CASQ1: variants seen among roughly 807,000 people sequenced by gnomAD.
The protein encoded by CASQ1 is calsequestrin-1.
In CASQ1, 40 loss-of-function variants were observed where a neutral mutation model predicts 49.5. That is an observed-to-expected ratio of 0.81 (90% CI 0.63 to 1.05). CASQ1 has a LOEUF of 1.05. Ranked by LOEUF, CASQ1 falls within the 50% of genes least tolerant of loss-of-function variation. The pLI, the probability that CASQ1 is intolerant of heterozygous loss-of-function variation, is 0.00. For missense variants in CASQ1, 469 were observed against 486.9 expected (o/e 0.96, Z 0.35); for synonymous variants, 174 against 187.2 (o/e 0.93, Z 0.58).
chr1:160,193,759 T>A lies in CASQ1; in HGVS notation c.377T>A (p.Val126Glu). The A allele has an allele frequency of 6.2e-7, 1 of 1,606,366 alleles. No homozygotes were observed. The highest frequency in any genetic ancestry group is 1.1e-5 in the South Asian group (1 of 90,700). ...GCTCACTCCCTAGGCCTAACTGAAGTGGACAGCATGTATGTATTCAAGGGA... is the reference window on the plus strand; with the variant it reads ...GCTCACTCCCTAGGCCTAACTGAAGAGGACAGCATGTATGTATTCAAGGGA... ...AVAKKLGLTE[V>E]DSMYVFKGDE... Residue 126 changes from valine (V) to glutamate (E), a missense_variant, in exon 3 of 11, where the codon GTG (valine) becomes GAG (glutamate). Physicochemically the swap from Val to Glu is moderately radical, Grantham distance 121 (BLOSUM62 -2). Coordinates refer to ENST00000368078, the MANE Select transcript of CASQ1 (RefSeq NM_001231.5).
At chr1:160,192,992 C>A in intron 2 of CASQ1, 106 bp downstream of exon 2, 1 of 861,518 alleles carries the variant, frequency 1.2e-6, no homozygotes, top group Non-Finnish European at 1.9e-6. Context: ...GCTTGGGAAT[C>A]TCTCAGATTT....
chr1:160,190,701 C>A lies in CASQ1; in HGVS notation c.-51C>A. 2.5e-6 allele frequency: 4 copies of A among 1,575,750 alleles called. No homozygotes were observed. The highest frequency in any genetic ancestry group is 1.2e-5 in the South Asian group (1 of 85,532). Reference sequence around the variant, plus strand: ...TGGGACCCAGGGGCCCCTCCCTACCCCAGCTAACCTCTTCTGGACCAGGAG... The same window carrying A: ...TGGGACCCAGGGGCCCCTCCCTACCACAGCTAACCTCTTCTGGACCAGGAG... On this transcript the variant is annotated 5_prime_UTR_variant, in exon 1 of 11. Transcript: ENST00000368078.
intron 7 of CASQ1, 138 bp downstream of exon 7, chr1:160,197,752 C>T (rs1654276899): frequency 3.0e-6 from 2 of 668,686 alleles, no homozygotes; most frequent in South Asian, 1.6e-5. Context: ...GGTGTGGTGG[C>T]TCATGCCTGT....
At chr1:160,195,847 C>A in intron 5 of CASQ1, 50 bp from the exon 6 acceptor site, 1 of 1,593,714 alleles carries the variant, frequency 6.3e-7, no homozygotes, top group Non-Finnish European at 8.6e-7. Flanking sequence ...TGCTTCTCGA[C>A]ATGACCCTGT....
chr1:160,193,115 G>C (rs74337382), intron 2 of CASQ1, among the ~76,000 whole-genome samples: 2 of 152,124 alleles, frequency 1.3e-5, no homozygotes, highest in Admixed American at 6.5e-5. Context: ...AGAAAGAGGT[G>C]GGGGAGGCCT....
At chr1:160,198,534 G>GA in intron 7 of CASQ1, 143 bp from the exon 8 acceptor site, 1 of 622,750 alleles carries the variant, frequency 1.6e-6, no homozygotes, top group Non-Finnish European at 2.9e-6. Context: ...CCCAAAAAAC[G>GA]AAAGAATATA....
At chr1:160,199,191 C>T (rs985452946) in intron 9 of CASQ1, 138 bp downstream of exon 9, 6 of 649,294 alleles carry the variant, frequency 9.2e-6, no homozygotes, top group Non-Finnish European at 1.4e-5. Context: ...GTGTTGCATG[C>T]TTAAGGGCAC....
chr1:160,195,624 C>A, intron 5 of CASQ1, 90 bp downstream of exon 5: 1 of 1,228,548 alleles, frequency 8.1e-7, no homozygotes, highest in Non-Finnish European at 1.2e-6. Context: ...TGACCTGGTC[C>A]CTTCCTACGT....
At chr1:160,194,868 G>A (rs1157323000) in intron 3 of CASQ1, 144 bp from the exon 4 acceptor site, 21 of 573,848 alleles carry the variant, frequency 3.7e-5, no homozygotes, top group South Asian at 2.7e-4. Context: ...ACACACACAC[G>A]CACATGCAAT....
intron 3 of CASQ1, 123 bp downstream of exon 3, chr1:160,193,970 C>A: frequency 1.5e-6 from 1 of 656,892 alleles, no homozygotes; most frequent in Non-Finnish European, 2.8e-6. Context: ...ACCACACGCA[C>A]ACACACCATA....
At chr1:160,191,052 C>CCCT in intron 1 of CASQ1, 22 bp downstream of exon 1, 1 of 1,610,948 alleles carries the variant, frequency 6.2e-7, no homozygotes, top group Non-Finnish European at 8.5e-7. Context: ...GCACTGCAGG[C>CCCT]CTGCAGAGCA....
At chr1:160,201,126 C>A in intron 10 of CASQ1, 119 bp from the exon 11 acceptor site, 1 of 1,059,732 alleles carries the variant, frequency 9.4e-7, no homozygotes, top group South Asian at 1.5e-5. Flanking sequence ...TGGCCTTTGG[C>A]AGATGAAAGG....
chr1:160,200,008 A>C (rs1654332257), intron 10 of CASQ1, 83 bp downstream of exon 10: 1 of 930,330 alleles, frequency 1.1e-6, no homozygotes, highest in African/African-American at 1.6e-5. Flanking sequence ...GCTAACTAGG[A>C]GTTGGGCCCT....
chr1:160,197,077 C>T (rs1484702371), intron 6 of CASQ1, among the ~76,000 whole-genome samples: 2 of 152,188 alleles, frequency 1.3e-5, no homozygotes, highest in East Asian at 3.8e-4. Flanking sequence ...TAGTAGTCCA[C>T]AGCTGGAAAT....
Position 160,194,662 on chromosome 1 carries a change from C to T in CASQ1, c.466-350C>T, listed in dbSNP as rs200158211. Reference sequence around the variant, plus strand: ...CACATTCACACACATCACACACATGCCACACATGTACACAGTAGGCCACAC... The same window carrying T: ...CACATTCACACACATCACACACATGTCACACATGTACACAGTAGGCCACAC... On this transcript the variant is annotated intron_variant, in intron 3 of 10. Transcript: ENST00000368078. 1.9e-3 allele frequency among the ~76,000 whole-genome samples: 285 copies of T among 150,888 alleles called. 5 individuals are homozygous for T. In the East Asian group the frequency reaches 0.029, roughly 15 times the overall value.
intron 5 of CASQ1, 139 bp downstream of exon 5, chr1:160,195,673 C>A (rs1654207308): frequency 1.2e-6 from 1 of 831,156 alleles, no homozygotes; most frequent in Non-Finnish European, 2.0e-6. Flanking sequence ...CGGCTCCTCC[C>A]ACTCCATAGA....
intron 10 of CASQ1, 42 bp from the exon 11 acceptor site, chr1:160,201,203 G>T: frequency 6.3e-7 from 1 of 1,598,334 alleles, no homozygotes. Flanking sequence ...CCTAAGACCC[G>T]GGTTGGACTT....
At chr1:160,195,652 GCCC>G in intron 5 of CASQ1, 118 bp downstream of exon 5, 1 of 716,422 alleles carries the variant, frequency 1.4e-6, no homozygotes. Flanking sequence ...CTCCCTACCT[GCCC>G]CCCCCCCCGG....
chr1:160,198,604 C>T, intron 7 of CASQ1, 73 bp from the exon 8 acceptor site: 1 of 1,084,638 alleles, frequency 9.2e-7, no homozygotes. Flanking sequence ...AGGATCTGTT[C>T]TGGGCTCCTC....
Sources: gnomAD v4.1 joint callset for allele counts (sites outside exome capture counted in the v4.1 genomes callset) on GRCh38, gnomAD v4.1.1 for gene constraint, MANE v1.5 for transcripts, NCBI Gene and HGNC (gene_info 2026-07-23, HGNC 2026-07-21) for gene names.